TCFL5: variants seen among roughly 807,000 people sequenced by gnomAD.
TCFL5 encodes the protein transcription factor-like 5 protein.
Under a neutral mutation model 44.3 loss-of-function variants are expected in TCFL5, and 9 were observed. The observed-to-expected ratio is 0.20, with a 90% CI of 0.12 to 0.35. The LOEUF is 0.35. TCFL5 is among the 10% of genes least tolerant of loss of function. The probability of loss-of-function intolerance (pLI) is 1.00; values close to 1 mark genes in which losing one functional copy is unlikely to be tolerated. For synonymous variants in TCFL5, 319 were observed against 271.6 expected, an observed-to-expected ratio of 1.17 and a Z score of -1.72; for missense variants, 603 against 613.4, an observed-to-expected ratio of 0.98 and a Z score of 0.18.
chr20:62,849,911 T>A (rs995987244), intron 5 of TCFL5, among the ~76,000 whole-genome samples: 1 of 152,044 alleles, frequency 6.6e-6, no homozygotes, highest in African/African-American at 2.4e-5. Context: ...GCCATAATCA[T>A]GTTACTGCAC....
chr20:62,855,967 T>C (rs541210339), intron 4 of TCFL5, among the ~76,000 whole-genome samples: 2 of 151,898 alleles, frequency 1.3e-5, no homozygotes, highest in African/African-American at 4.8e-5. Context: ...AACCCAATTA[T>C]AGGCCGGGTG....
chr20:62,852,847 A>T (rs2063829713), intron 5 of TCFL5: 1 of 1,289,532 alleles, frequency 7.8e-7, no homozygotes. Context: ...ACCAGTCCAC[A>T]AAAGTATGTT....
chr20:62,844,563 TTTTTTTTG>T (rs920488464), intron 5 of TCFL5, among the ~76,000 whole-genome samples: 2 of 146,538 alleles, frequency 1.4e-5, no homozygotes, highest in African/African-American at 5.5e-5. Context: ...TTTTTTCTGT[TTTTTTTTG>T]TTTGTTTTTT....
chr20:62,857,123 G>A (rs144015463), intron 4 of TCFL5, among the ~76,000 whole-genome samples: 159 of 152,276 alleles, frequency 1.0e-3, no homozygotes, highest in Non-Finnish European at 1.9e-3. Context: ...TTCTCCCCAC[G>A]CGCCTTTGCT....
Position 62,843,918 on chromosome 20 carries a change from AATTTC to A in TCFL5, c.1381-1826_1381-1822del, listed in dbSNP as rs1425906669. On this transcript the variant is annotated intron_variant, in intron 5 of 5. Transcript: ENST00000335351. The stretch of plus-strand genomic sequence containing the variant: ...CCATCCATGCTGTAGCCTGTGTCAG[AATTTC>A]ATTCCTTTTCATGGCTGAGTAAGAT... Among the ~76,000 whole-genome samples the A allele has an allele frequency of 4.6e-5, 7 of 152,358 alleles. No individual in the cohort carries two copies. In the East Asian group the frequency reaches 1.3e-3, roughly 29 times the overall value.
chr20:62,858,970 C>T (rs1469369098), intron 3 of TCFL5, among the ~76,000 whole-genome samples: 1 of 152,168 alleles, frequency 6.6e-6, no homozygotes, highest in Non-Finnish European at 1.5e-5. Context: ...TAGGGTCCTC[C>T]TATTAGCAGC....
intron 4 of TCFL5, 79 bp from the exon 5 acceptor site, chr20:62,854,236 C>G (rs530246809): frequency 6.5e-7 from 1 of 1,546,238 alleles, no homozygotes; most frequent in African/African-American, 1.4e-5. Flanking sequence ...TCCTGTAGTA[C>G]TTGAGGGAAC....
chr20:62,857,710 G>A (rs2063916770), intron 3 of TCFL5, 72 bp from the exon 4 acceptor site: 1 of 1,542,616 alleles, frequency 6.5e-7, no homozygotes, highest in African/African-American at 1.4e-5. Context: ...TACAGTTTTG[G>A]CCTTTTCAAT....
At position 62,852,793 on chromosome 20, in the gene TCFL5, C is replaced by T. The variant is rs555622524; in HGVS notation, c.1380+1223G>A. 3.5e-5 allele frequency: 45 copies of T among 1,289,214 alleles called. 1 individual carries two copies. In the South Asian group the frequency reaches 3.6e-4, roughly 10 times the overall value. The allele number at this position is 1,289,214 out of a possible 1,614,324, so 79.9% of individuals were successfully genotyped here. A position where few individuals can be genotyped will look rare whatever the true frequency, so the allele number is the denominator to read the frequency against. On this transcript the variant is annotated intron_variant, in intron 5 of 5. Transcript: ENST00000335351. ...CCCATTCCACAGAAGCACGGTCACC[C>T]GGTCCGCAGAAGTATATTCACCGAG...
rs2063911240 is a variant in TCFL5, at chr20:62,857,438, A to G, written c.1195T>C (p.Ser399Pro). 2 of 1,614,016 alleles carry G rather than the reference A, an allele frequency of 1.2e-6. No individual in the cohort carries two copies. Among genetic ancestry groups the G allele is most frequent in the African/African-American group, 2.7e-5 (2 of 74,898 alleles). ...CGGTTATGCCTCTCCCTACGTTGAG[A>G]CCTTCCTCCCTGGGGCCCACTCTGG... ...QAQSGPQGGR[S>P]QRRERHNRME... Residue 399 changes from serine (S) to proline (P), a missense_variant, in exon 4 of 6, where the codon TCT (serine) becomes CCT (proline). Physicochemically the swap from Ser to Pro is moderately conservative, Grantham distance 74. This residue lies in a region of TCFL5 where 21 missense variants were observed against 54.0 expected (regional missense o/e 0.39). Transcript: ENST00000335351.
In TCFL5 at chr20:62,842,733, A is replaced by G. The variant is rs560734159; in HGVS notation, c.1381-636T>C. ...AGCCGAGATCATGCCATTGCACTCCAGTCTGGGCAACAAGAGTGAAACTCC... is the reference window on the plus strand; with the variant it reads ...AGCCGAGATCATGCCATTGCACTCCGGTCTGGGCAACAAGAGTGAAACTCC... On this transcript the variant is annotated intron_variant, in intron 5 of 5. Coordinates refer to ENST00000335351, the MANE Select transcript of TCFL5 (RefSeq NM_006602.4). This position sits in a 1 kb window ranked among gnomAD's most constrained non-coding sequence, Gnocchi z 4.3. Among the ~76,000 whole-genome samples the G allele has an allele frequency of 4.7e-4, 71 of 152,346 alleles. No individual in the cohort carries two copies. The highest frequency in any genetic ancestry group is 1.6e-3 in the African/African-American group (67 of 41,588).
At position 62,852,767 on chromosome 20, in the gene TCFL5, A is replaced by C. The variant is rs1025649665; in HGVS notation, c.1380+1249T>G. ...TCACCTGGTCCGCAGAAGTATATTC[A>C]CCCATTCCACAGAAGCACGGTCACC... is the stretch of plus-strand genomic sequence containing the variant. On this transcript the variant is annotated intron_variant, in intron 5 of 5. Coordinates refer to ENST00000335351, the MANE Select transcript of TCFL5 (RefSeq NM_006602.4). The C allele has an allele frequency of 7.8e-6, 10 of 1,288,018 alleles. No homozygotes were observed. In the African/African-American group the frequency reaches 1.2e-4, roughly 16 times the overall value. 79.8% of individuals were successfully genotyped at this position (1,288,018 alleles called of 1,614,324 possible).
chr20:62,843,533 T>G (rs1440669606), intron 5 of TCFL5, among the ~76,000 whole-genome samples: 1 of 152,196 alleles, frequency 6.6e-6, no homozygotes, highest in African/African-American at 2.4e-5. Flanking sequence ...TTTGAAAATT[T>G]CCATAAGTTG....
chr20:62,857,952 A>G (rs2063920477), intron 3 of TCFL5, among the ~76,000 whole-genome samples: 1 of 152,182 alleles, frequency 6.6e-6, no homozygotes. Flanking sequence ...ATGAATACAG[A>G]AAACAAGAAG....
chr20:62,857,356 CAT>C (rs2063909566), intron 4 of TCFL5, 37 bp downstream of exon 4: 9 of 1,608,146 alleles, frequency 5.6e-6, no homozygotes, highest in Admixed American at 1.7e-5. Flanking sequence ...CTAAGGTAAT[CAT>C]ATATGAGTCA....
chr20:62,853,198 TCACCCAGTCCACAGAAGTATATG>T (rs879567652), intron 5 of TCFL5, among the ~76,000 whole-genome samples: 9,813 of 148,548 alleles, frequency 0.066, 1,306 homozygotes, highest in African/African-American at 0.23. Context: ...AGAAGTATAG[TCACCCAGTCCACAGAAGTATATG>T]CACCCAGTCC....
chr20:62,851,913 A>G (rs1255111697), intron 5 of TCFL5: 3 of 853,584 alleles, frequency 3.5e-6, no homozygotes, highest in East Asian at 2.4e-4. Context: ...GGGTTCAACA[A>G]TTCTCCTGCT....
rs1451020246 is a variant in TCFL5 at position 62,842,835 on chromosome 20, G to A, written c.1381-738C>T. 1.3e-5 allele frequency among the ~76,000 whole-genome samples: 2 copies of A among 152,216 alleles called. No homozygotes were observed. Among genetic ancestry groups the A allele is most frequent in the Non-Finnish European group, 1.5e-5 (1 of 68,026 alleles). ...CATCTACCCCCACCCCAGGGCGACT[G>A]CCTTGCCCTCTGCACTGCCACACAC... On this transcript the variant is annotated intron_variant, in intron 5 of 5. Transcript: ENST00000335351. This position sits in a 1 kb window ranked among gnomAD's most constrained non-coding sequence, Gnocchi z 4.3.
chr20:62,845,944 C>T, intron 5 of TCFL5: 1 of 1,474,040 alleles, frequency 6.8e-7, no homozygotes, highest in Non-Finnish European at 9.1e-7. Context: ...CCCTGAACAG[C>T]TGGAAATGAG....
Sources: allele counts gnomAD v4.1 joint callset (sites outside exome capture counted in the v4.1 genomes callset), GRCh38; gene constraint gnomAD v4.1.1; regional missense constraint gnomAD v4.1.1; non-coding constraint Gnocchi (gnomAD v3.1); transcripts MANE v1.5; gene names NCBI Gene and HGNC (gene_info 2026-07-23, HGNC 2026-07-21).